Variants in FAT1 observed in about 807,000 individuals in gnomAD.
FAT1 encodes FAT atypical cadherin 1, also known as protocadherin Fat 1.
Under a neutral mutation model 329.8 loss-of-function variants are expected in FAT1, and 171 were observed. That is an observed-to-expected ratio of 0.52 (90% CI 0.46 to 0.59). The LOEUF is 0.59. Among genes scored for constraint, FAT1 ranks in the 20% least tolerant of loss-of-function variants. The probability of loss-of-function intolerance (pLI) is 0.00; values close to 1 mark genes in which losing one functional copy is unlikely to be tolerated. For missense variants in FAT1, 5,672 were observed against 5,774.4 expected (o/e 0.98, Z 0.57); for synonymous variants, 2,233 against 2,228.6 (o/e 1.00, Z -0.06).
intron 2 of FAT1, among the ~76,000 whole-genome samples, chr4:186,696,420 G>C (rs1204853228): frequency 6.6e-6 from 1 of 152,040 alleles, no homozygotes. Flanking sequence ...AACACCTTCA[G>C]CTGGGCAACA....
chr4:186,725,434 G>A (rs1745686295), upstream of FAT1, among the ~76,000 whole-genome samples: 1 of 151,812 alleles, frequency 6.6e-6, no homozygotes, highest in Admixed American at 6.6e-5. This position sits in a 1 kb window ranked among gnomAD's most constrained non-coding sequence, Gnocchi z 5.4. Flanking sequence ...AGAATTCCTG[G>A]AGAAGATTAC....
chr4:186,637,870 T>A (rs969452893), intron 4 of FAT1, among the ~76,000 whole-genome samples: 1 of 152,232 alleles, frequency 6.6e-6, no homozygotes, highest in African/African-American at 2.4e-5. Context: ...CTGTCAAAAG[T>A]ATTTAAGTAG....
At chr4:186,614,859 G>A (rs960283134) in intron 11 of FAT1, among the ~76,000 whole-genome samples, 2 of 152,204 alleles carry the variant, frequency 1.3e-5, no homozygotes, top group Non-Finnish European at 2.9e-5. Context: ...AAGGGACTCT[G>A]ATGAAGGCTG....
Position 186,597,191 on chromosome 4 carries a change from TGAG to T in FAT1, c.12369-23_12369-21del. On this transcript the variant is annotated intron_variant, in intron 24 of 26. Transcript: ENST00000441802. Reference sequence around the variant, plus strand: ...TGACACCTGCCAAGGAAGTCAGGAATGAGGAGAGACCTCTGTAGCATACGCCAG... The same window carrying T: ...TGACACCTGCCAAGGAAGTCAGGAATGAGAGACCTCTGTAGCATACGCCAG... 1 of 1,579,868 alleles carries T rather than the reference TGAG, an allele frequency of 6.3e-7. No homozygotes were observed. The highest frequency in any genetic ancestry group is 8.6e-7 in the Non-Finnish European group (1 of 1,163,376).
In FAT1 at chr4:186,617,119, T is replaced by C. The variant is rs1415520907; in HGVS notation, c.8961A>G (p.Glu2987=). 1 of 1,613,880 alleles carries C rather than the reference T, an allele frequency of 6.2e-7. No homozygotes were observed. Among genetic ancestry groups the C allele is most frequent in the Admixed American group, 1.7e-5 (1 of 60,004 alleles). The change falls in exon 11 of 27, where the codon GAA becomes GAG. Residue 2987 remains glutamate, a synonymous_variant. Transcript: ENST00000441802. ...KVYVKKPLDR[E]KRDNYLLTIT... ...TAGTAAGAAGGTAATTGTCCCTTTT[T>C]TCCCTGTCTAGAGGTTTCTTCACAT...
rs1389863652 is a variant in FAT1, at chr4:186,596,846, A to G, written c.12694T>C (p.Tyr4232His). 8 of 1,613,870 alleles carry G rather than the reference A, an allele frequency of 5.0e-6. No homozygotes were observed. In the Middle Eastern group the frequency reaches 6.6e-4, roughly 133 times the overall value. ...TTCTTATTTAGCTTGGAATCAAAAT[A>G]CGGTCTTTGCAAGAAAGCCGTAGCG... ...GPATAFLQRP[Y>H]FDSKLNKNIY... Residue 4232 changes from tyrosine to histidine, a missense_variant, in exon 25 of 27, where the codon TAT (tyrosine) becomes CAT (histidine). Coordinates refer to ENST00000441802, the MANE Select transcript of FAT1 (RefSeq NM_005245.4). This position sits in a 1 kb window ranked among gnomAD's most constrained non-coding sequence, Gnocchi z 4.7.
At chr4:186,678,714 G>A (rs909244658) in intron 2 of FAT1, among the ~76,000 whole-genome samples, 11 of 151,610 alleles carry the variant, frequency 7.3e-5, no homozygotes, top group Non-Finnish European at 1.0e-4. Flanking sequence ...GCAAGGCTGC[G>A]GAGAAACAGG....
rs1738541728 is a variant in FAT1 at position 186,596,799 on chromosome 4, G to C, written c.12741C>G (p.Pro4247=). 1 of 1,613,984 alleles carries C rather than the reference G, an allele frequency of 6.2e-7. No homozygotes were observed. The highest frequency in any genetic ancestry group is 8.5e-7 in the Non-Finnish European group (1 of 1,179,890). The change falls in exon 25 of 27, where the codon CCC becomes CCG. Residue 4247 remains proline (P), a synonymous_variant. Coordinates refer to ENST00000441802, the MANE Select transcript of FAT1 (RefSeq NM_005245.4). This position sits in a 1 kb window ranked among gnomAD's most constrained non-coding sequence, Gnocchi z 4.7. ...LNKNIYSDIP[P]QVPVRPISYT... is the part of the protein sequence containing the mutation. ...AGGAAATAGGCCGGACAGGCACCTGGGGTGGTATGTCTGAGTAAATGTTCT... is the reference window on the plus strand; with the variant it reads ...AGGAAATAGGCCGGACAGGCACCTGCGGTGGTATGTCTGAGTAAATGTTCT...
chr4:186,692,548 G>A (rs1296289662), intron 2 of FAT1, among the ~76,000 whole-genome samples: 1 of 152,130 alleles, frequency 6.6e-6, no homozygotes, highest in Non-Finnish European at 1.5e-5. Context: ...TCCTGACCTC[G>A]TGATCCGCCC....
At chr4:186,634,658 A>T (rs1424635923) in intron 6 of FAT1, among the ~76,000 whole-genome samples, 1 of 79,474 alleles carries the variant, frequency 1.3e-5, no homozygotes, top group East Asian at 3.1e-4. Context: ...TAAAAAAGTA[A>T]AAAAAAACAA....
In FAT1 at chr4:186,641,238, C is replaced by T. The variant is rs569525828; in HGVS notation, c.3581-1455G>A. 2.6e-5 allele frequency among the ~76,000 whole-genome samples: 4 copies of T among 152,294 alleles called. No individual in the cohort carries two copies. In the East Asian group the frequency reaches 7.7e-4, roughly 29 times the overall value. On this transcript the variant is annotated intron_variant, in intron 3 of 26. Coordinates refer to ENST00000441802, the MANE Select transcript of FAT1 (RefSeq NM_005245.4). ...TCTTTTTAACAAGGGCAACAGAAGG[C>T]TATATCATACCTCCACACTGGGGTT...
chr4:186,641,616 G>A (rs1242024903), intron 3 of FAT1, among the ~76,000 whole-genome samples: 1 of 152,136 alleles, frequency 6.6e-6, no homozygotes, highest in African/African-American at 2.4e-5. Flanking sequence ...ACAGCACTGC[G>A]CAAATACTTA....
At chr4:186,712,634 G>A (rs1364093933) in intron 1 of FAT1, among the ~76,000 whole-genome samples, 2 of 152,174 alleles carry the variant, frequency 1.3e-5, no homozygotes, top group African/African-American at 4.8e-5. Flanking sequence ...AGAGACCAGG[G>A]TCAGGAACCT....
chr4:186,688,890 A>G (rs146689353), intron 2 of FAT1, among the ~76,000 whole-genome samples: 4 of 152,180 alleles, frequency 2.6e-5, no homozygotes, highest in African/African-American at 9.6e-5. Flanking sequence ...TACCGCAATA[A>G]ATATAAAGCA....
At chr4:186,681,262 T>C (rs912459390) in intron 2 of FAT1, among the ~76,000 whole-genome samples, 2 of 152,242 alleles carry the variant, frequency 1.3e-5, no homozygotes, top group African/African-American at 2.4e-5. Context: ...TCAATATTTA[T>C]TATTCCTCTT....
intron 3 of FAT1, among the ~76,000 whole-genome samples, chr4:186,650,105 C>T (rs868749612): frequency 3.9e-5 from 6 of 152,106 alleles, no homozygotes; most frequent in South Asian, 2.1e-4. Context: ...TAACTCAGCT[C>T]CAAAGGTGAT....
intron 3 of FAT1, among the ~76,000 whole-genome samples, chr4:186,652,146 T>C (rs934086864): frequency 1.3e-5 from 2 of 152,216 alleles, no homozygotes; most frequent in African/African-American, 2.4e-5. Context: ...TCTACCTTAC[T>C]AGCTGTTTCT....
Position 186,663,629 on chromosome 4 carries a change from A to C in FAT1, c.3266-16T>G, listed in dbSNP as rs1188981523. On this transcript the variant is annotated splice_polypyrimidine_tract_variant and intron_variant, in intron 2 of 26. Transcript: ENST00000441802. ...TCTATGACACCTACAGAGAAAAAAG[A>C]AAAGCGTAAAGCAGCACATCAACGA... 1.9e-6 allele frequency: 3 copies of C among 1,583,124 alleles called. No homozygotes were observed. The highest frequency in any genetic ancestry group is 2.6e-6 in the Non-Finnish European group (3 of 1,168,880).
rs187859929 is a variant in FAT1 at position 186,594,031 on chromosome 4, A to G, written c.13138+1658T>C. On this transcript the variant is annotated intron_variant, in intron 26 of 26. Coordinates refer to ENST00000441802, the MANE Select transcript of FAT1 (RefSeq NM_005245.4). ...TTGTACTATCTGGAAGCTAGTTTTC[A>G]TAACTAATTTGACCATAACTTATTG... is the stretch of plus-strand genomic sequence containing the variant. Among the ~76,000 whole-genome samples, 75 of 152,260 alleles carry G rather than the reference A, an allele frequency of 4.9e-4. No homozygotes were observed. In the Middle Eastern group the frequency reaches 0.01, roughly 21 times the overall value.
Sources: allele counts gnomAD v4.1 joint callset (sites outside exome capture counted in the v4.1 genomes callset), GRCh38; gene constraint gnomAD v4.1.1; non-coding constraint Gnocchi (gnomAD v3.1); transcripts MANE v1.5; gene names NCBI Gene and HGNC (gene_info 2026-07-23, HGNC 2026-07-21).